The following SETD1A variants were observed in gnomAD, a reference collection of about 807,000 sequenced individuals.
The protein encoded by SETD1A is SET domain containing 1A, histone lysine methyltransferase, also known as histone-lysine N-methyltransferase SETD1A.
A neutral mutation model predicts 149.9 loss-of-function variants in SETD1A; 29 were observed. The observed-to-expected ratio is 0.19, with a 90% CI of 0.14 to 0.26. The LOEUF is 0.26. SETD1A is among the 10% of genes least tolerant of loss of function. The pLI, the probability that SETD1A is intolerant of heterozygous loss-of-function variation, is 1.00. For synonymous variants in SETD1A, 1,141 were observed against 968.5 expected (o/e 1.18, Z -3.31); for missense variants, 2,109 against 2,353.1 (o/e 0.90, Z 2.15).
chr16:30,969,704 G>T lies in SETD1A; in HGVS notation c.3016+15G>T, dbSNP rs752173343. ...GGTGTCGGATGGTGAGCACAAGACA[G>T]TGAAATCGACTTTGGGCTCGGAGGA... On this transcript the variant is annotated intron_variant, in intron 12 of 18. Transcript: ENST00000262519. 1 of 1,608,624 alleles carries T rather than the reference G, an allele frequency of 6.2e-7. No homozygotes were observed. Among genetic ancestry groups the T allele is most frequent in the African/African-American group, 1.3e-5 (1 of 74,936 alleles).
chr16:30,969,555 A>G (rs1405265382), intron 11 of SETD1A, 47 bp from the exon 12 acceptor site: 9 of 1,603,596 alleles, frequency 5.6e-6, no homozygotes, highest in Non-Finnish European at 7.7e-6. Flanking sequence ...CTGGTGTAGG[A>G]CCAGTTGTCC....
At chr16:30,982,602 C>T (rs1015696790) in intron 17 of SETD1A, among the ~76,000 whole-genome samples, 8 of 151,812 alleles carry the variant, frequency 5.3e-5, no homozygotes, top group African/African-American at 1.9e-4. Flanking sequence ...CCTGTGAATC[C>T]ACTTGGGCCT....
rs1401719068 is a variant in SETD1A at position 30,983,720 on chromosome 16, T to C, written c.4898T>C (p.Ile1633Thr). Residue 1633 changes from isoleucine to threonine, a missense_variant, in exon 18 of 19, where the codon ATC becomes ACC. Around this residue, in one of 8 missense-constraint regions of SETD1A, gnomAD observed 254 missense variants for 409.3 expected, o/e 0.62. Transcript: ENST00000262519. This position sits in a 1 kb window ranked among gnomAD's most constrained non-coding sequence, Gnocchi z 6.8. The stretch of plus-strand genomic sequence containing the variant: ...TTCCGGGTGGACCACGACACCATCA[T>C]CGATGCCACCAAGTGTGGCAACCTG... The part of the protein sequence containing the change: ...YLFRVDHDTI[I>T]DATKCGNLAR... 5 of 1,614,020 alleles carry C rather than the reference T, an allele frequency of 3.1e-6. No individual in the cohort carries two copies. The highest frequency in any genetic ancestry group is 1.3e-5 in the African/African-American group (1 of 74,924).
Position 30,984,090 on chromosome 16 carries a change from C to A in SETD1A, c.*67C>A. The A allele has an allele frequency of 4.1e-6, 6 of 1,473,748 alleles. No homozygotes were observed. The highest frequency in any genetic ancestry group is 5.5e-6 in the Non-Finnish European group (6 of 1,089,898). The allele number at this position is 1,473,748 out of a possible 1,614,324, so 91.3% of individuals were successfully genotyped here. ...TGGTGCCCTGAGCTCCCAGCACCCC[C>A]CCAGCCTTAGTGGGCTCAGCAGGGC... On this transcript the variant is annotated 3_prime_UTR_variant, in exon 19 of 19. Coordinates refer to ENST00000262519, the MANE Select transcript of SETD1A (RefSeq NM_014712.3).
rs1294896484 is a variant in SETD1A at position 30,980,535 on chromosome 16, C to T, written c.4459C>T (p.Arg1487Trp). Residue 1487 changes from arginine to tryptophan, a missense_variant, in exon 15 of 19, where the codon CGG becomes TGG. Physicochemically the swap from Arg to Trp is moderately radical, Grantham distance 101. Transcript: ENST00000262519. This position sits in a 1 kb window ranked among gnomAD's most constrained non-coding sequence, Gnocchi z 7.7. ...CAAGCGGCGGCCCCAGGATGGGCCC[C>T]GGGAGCACCAGACAGGCTCAGCCCG... ...KRKRRPQDGP[R>W]EHQTGSARSE... 1.2e-5 allele frequency: 19 copies of T among 1,614,010 alleles called. No homozygotes were observed. Among genetic ancestry groups the T allele is most frequent in the African/African-American group, 4.0e-5 (3 of 74,936 alleles).
chr16:30,980,406 C>T lies in SETD1A; in HGVS notation c.4409-79C>T, dbSNP rs1032043181. The T allele has an allele frequency of 2.3e-5, 35 of 1,521,998 alleles. No homozygotes were observed. Among genetic ancestry groups the T allele is most frequent in the Middle Eastern group, 1.9e-4 (1 of 5,336 alleles). 94.3% of individuals were successfully genotyped at this position (1,521,998 alleles called of 1,614,324 possible). ...CTGTCCCTCACCTGGGTATGCTCAG[C>T]GGCGTGGGCCCCGCCCTCTCCTTTG... On this transcript the variant is annotated intron_variant, in intron 14 of 18. Coordinates refer to ENST00000262519, the MANE Select transcript of SETD1A (RefSeq NM_014712.3). The surrounding 1 kb of genome is among the most constrained non-coding windows in gnomAD (Gnocchi z 7.7).
chr16:30,977,320 G>A (rs1400273624), intron 13 of SETD1A, among the ~76,000 whole-genome samples: 1 of 152,014 alleles, frequency 6.6e-6, no homozygotes, highest in Non-Finnish European at 1.5e-5. Flanking sequence ...GGATGTTAGT[G>A]ATGGCCCTGG....
At position 30,979,492 on chromosome 16, in the gene SETD1A, C is replaced by A; in HGVS notation, c.3706C>A (p.Arg1236=). Residue 1236 remains arginine (R), a synonymous_variant, in exon 14 of 19, where the codon CGA becomes AGA. Coordinates refer to ENST00000262519, the MANE Select transcript of SETD1A (RefSeq NM_014712.3). ...SRGGRSRAGG[R]GRLTEEEEAE... The stretch of plus-strand genomic sequence containing the variant: ...AGGAGGCCGGAGCCGGGCTGGAGGC[C>A]GAGGCCGCCTCACCGAGGAAGAGGA... 6.2e-7 allele frequency: 1 copy of A among 1,601,200 alleles called. No individual in the cohort carries two copies. Among genetic ancestry groups the A allele is most frequent in the African/African-American group, 1.3e-5 (1 of 74,880 alleles).
intron 12 of SETD1A, among the ~76,000 whole-genome samples, chr16:30,969,942 C>T (rs181754558): frequency 1.2e-3 from 184 of 152,250 alleles, no homozygotes; most frequent in African/African-American, 4.2e-3. Flanking sequence ...CCTGGCAGAA[C>T]GCTTTTTTTG....
intron 10 of SETD1A, among the ~76,000 whole-genome samples, chr16:30,967,826 C>T (rs2056169178): frequency 6.6e-6 from 1 of 152,166 alleles, no homozygotes. Flanking sequence ...GTTTTTCCAT[C>T]CATGAAATTC....
chr16:30,966,174 T>G lies in SETD1A; in HGVS notation c.2293T>G (p.Ser765Ala). Reference sequence around the variant, plus strand: ...CGAGCCCCTGCCCTCCTCCTCAGTCTCGGGAGAGGAGGCCCGGCTGCCACC... The same window carrying G: ...CGAGCCCCTGCCCTCCTCCTCAGTCGCGGGAGAGGAGGCCCGGCTGCCACC... ...AAEPLPSSSV[S>A]GEEARLPPRE... Residue 765 changes from serine to alanine, a missense_variant, in exon 8 of 19, where the codon TCG (serine) becomes GCG (alanine). This residue lies in a region of SETD1A where 431 missense variants were observed against 388.6 expected (regional missense o/e 1.11). Transcript: ENST00000262519. 1 of 1,611,160 alleles carries G rather than the reference T, an allele frequency of 6.2e-7. No individual in the cohort carries two copies. The highest frequency in any genetic ancestry group is 8.5e-7 in the Non-Finnish European group (1 of 1,178,714).
chr16:30,966,988 G>C lies in SETD1A; in HGVS notation c.2610G>C (p.Gly870=), dbSNP rs147752310. The change falls in exon 9 of 19, where the codon GGG becomes GGC. Residue 870 remains glycine (G), a synonymous_variant. Transcript: ENST00000262519. ...CCCTCGTGGACTGGGCCAAGAGCGG[G>C]GGCACTACGGGCATCGAGGCTTTCG... The part of the protein sequence containing the change: ...LLSLVDWAKS[G]GTTGIEAFAF... 1.3e-4 allele frequency: 206 copies of C among 1,595,776 alleles called. 2 individuals are homozygous for C. The African/African-American group carries it at 2.2e-3, about 17-fold the overall frequency.
Position 30,965,041 on chromosome 16 carries a change from AC to A in SETD1A, c.1304del (p.Pro435ArgfsTer62), listed in dbSNP as rs2143492454. ...DYRPPASEAP[P>X]PEPPEPGGGG... ...ACCGGCCTCCTGCCTCAGAGGCTCC[AC>A]CCCCGGAGCCTCCAGAACCTGGTGG... On this transcript the variant is annotated frameshift_variant, in exon 7 of 19. Transcript: ENST00000262519. LOFTEE classifies it high-confidence loss of function. 6.2e-7 allele frequency: 1 copy of A among 1,611,726 alleles called. No individual in the cohort carries two copies.
chr16:30,979,229 A>G lies in SETD1A; in HGVS notation c.3443A>G (p.Asp1148Gly). 1 of 1,275,212 alleles carries G rather than the reference A, an allele frequency of 7.8e-7. No homozygotes were observed. Among genetic ancestry groups the G allele is most frequent in the Non-Finnish European group, 1.1e-6 (1 of 939,888 alleles). The allele number at this position is 1,275,212 out of a possible 1,614,324, so 79.0% of individuals were successfully genotyped here. A position where few individuals can be genotyped will look rare whatever the true frequency, so the allele number is the denominator to read the frequency against. ...CCCCCGGCCCCTGCCCCACGCCCCG[A>G]TGAGCGTCCCTCTTCTCCCATCCCC... ...AGPPAPAPRP[D>G]ERPSSPIPLL... Residue 1148 changes from aspartate (D) to glycine (G), a missense_variant, in exon 14 of 19, where the codon GAT (aspartate) becomes GGT (glycine). Asp to Gly is a moderately conservative substitution (Grantham distance 94). Around this residue, in one of 8 missense-constraint regions of SETD1A, gnomAD observed 832 missense variants for 815.6 expected, o/e 1.02. Coordinates refer to ENST00000262519, the MANE Select transcript of SETD1A (RefSeq NM_014712.3).
intron 12 of SETD1A, among the ~76,000 whole-genome samples, chr16:30,971,173 A>T (rs1042578925): frequency 6.6e-6 from 1 of 152,108 alleles, no homozygotes; most frequent in Non-Finnish European, 1.5e-5. Flanking sequence ...CTTCAGACAG[A>T]GTCTGGGGCT....
In SETD1A at chr16:30,967,498, C is replaced by T. The variant is rs781258882; in HGVS notation, c.2683-3C>T. On this transcript the variant is annotated splice_region_variant and splice_polypyrimidine_tract_variant and intron_variant, in intron 9 of 18. Coordinates refer to ENST00000262519, the MANE Select transcript of SETD1A (RefSeq NM_014712.3). ...CAGGCCCCATCTTTTCCCCATCCCC[C>T]AGGTAAAGCGGAAAGAGCCATCGGA... The T allele has an allele frequency of 2.5e-6, 4 of 1,613,748 alleles. No individual in the cohort carries two copies. Among genetic ancestry groups the T allele is most frequent in the Non-Finnish European group, 3.4e-6 (4 of 1,179,744 alleles).
At chr16:30,965,505 T>A in intron 7 of SETD1A, 44 bp downstream of exon 7, 1 of 1,580,376 alleles carries the variant, frequency 6.3e-7, no homozygotes. Context: ...GCTCTGGGAG[T>A]CAGGGTTGGG....
intron 13 of SETD1A, among the ~76,000 whole-genome samples, chr16:30,974,174 C>T (rs181441534): frequency 1.3e-4 from 20 of 152,150 alleles, no homozygotes; most frequent in African/African-American, 4.6e-4. Context: ...GGTTAAACTT[C>T]CCCAGGAAAA....
intron 2 of SETD1A, 82 bp from the exon 3 acceptor site, chr16:30,959,009 G>A: frequency 7.0e-7 from 1 of 1,429,988 alleles, no homozygotes; most frequent in Non-Finnish European, 9.9e-7. Context: ...TCTTCTGCAT[G>A]TGTGTGTCCA....
Sources: gnomAD v4.1 joint callset for allele counts (sites outside exome capture counted in the v4.1 genomes callset) on GRCh38, gnomAD v4.1.1 for gene constraint, gnomAD v4.1.1 regional missense constraint, Gnocchi (gnomAD v3.1) non-coding constraint, MANE v1.5 for transcripts, NCBI Gene and HGNC (gene_info 2026-07-23, HGNC 2026-07-21) for gene names.